Variants in TAF5L observed in about 807,000 individuals in gnomAD.
TAF5L encodes TAF5-like RNA polymerase II p300/CBP-associated factor-associated factor 65 kDa subunit 5L.
A neutral mutation model predicts 51.3 loss-of-function variants in TAF5L; 7 were observed. The ratio of observed to expected loss-of-function variants is 0.14; its 90% confidence interval spans 0.08 to 0.26. The LOEUF (loss-of-function observed/expected upper bound fraction) is 0.26, where lower values mean the gene tolerates loss of function less well. Ranked by LOEUF, TAF5L falls within the 10% of genes least tolerant of loss-of-function variation. The pLI is 1.00. For synonymous variants in TAF5L, 291 were observed against 308.1 expected (o/e 0.94, Z 0.58); for missense variants, 575 against 758.9 (o/e 0.76, Z 2.85).
chr1:229,606,282 A>G, intron 3 of TAF5L: 4 of 843,782 alleles, frequency 4.7e-6, no homozygotes, highest in Non-Finnish European at 5.7e-6. Context: ...CTTGCAATCT[A>G]ACATACTCTG....
At chr1:229,597,948 G>A (rs1387135698) in intron 4 of TAF5L, among the ~76,000 whole-genome samples, 3 of 152,096 alleles carry the variant, frequency 2.0e-5, no homozygotes, top group Non-Finnish European at 2.9e-5. Context: ...CCCAGACCAG[G>A]GGTCCTTTCT....
intron 2 of TAF5L, 88 bp from the exon 3 acceptor site, chr1:229,610,298 T>C (rs1012445360): frequency 3.2e-6 from 4 of 1,231,218 alleles, no homozygotes; most frequent in Middle Eastern, 1.9e-4. Flanking sequence ...AAGGAGGGTG[T>C]TGTGCACACA....
upstream of TAF5L, chr1:229,626,067 G>T: frequency 6.6e-6 from 1 of 151,488 alleles, no homozygotes; most frequent in South Asian, 1.8e-4. Flanking sequence ...GACTGACACG[G>T]AGCGGGCCGC....
intron 4 of TAF5L, among the ~76,000 whole-genome samples, chr1:229,597,034 G>C (rs966143756): frequency 2.0e-5 from 3 of 152,206 alleles, no homozygotes; most frequent in African/African-American, 7.2e-5. Context: ...GTATTTGGGA[G>C]CTTAAGGGTC....
Position 229,594,464 on chromosome 1 carries a change from G to A in TAF5L, c.1603C>T (p.Arg535Cys), listed in dbSNP as rs756842075. Residue 535 changes from arginine to cysteine, a missense_variant, in exon 5 of 5, where the codon CGC becomes TGC. Physicochemically the swap from Arg to Cys is radical, Grantham distance 180. This residue lies in a region of TAF5L where 91 missense variants were observed against 96.9 expected (regional missense o/e 0.94). Coordinates refer to ENST00000258281, the Ensembl canonical transcript of TAF5L. The surrounding 1 kb of genome is among the most constrained non-coding windows in gnomAD (Gnocchi z 7.9). ...TAAGTGTTCCTGATGTCCCAGACGCGCACCGAGTTGTCCATGGAGGCAGAG... is the reference window on the plus strand; with the variant it reads ...TAAGTGTTCCTGATGTCCCAGACGCACACCGAGTTGTCCATGGAGGCAGAG... 7.4e-5 allele frequency: 119 copies of A among 1,614,014 alleles called. No homozygotes were observed. The highest frequency in any genetic ancestry group is 9.7e-5 in the Non-Finnish European group (115 of 1,180,040).
chr1:229,602,089 G>A lies in TAF5L; in HGVS notation c.972+106C>T. 1.3e-6 allele frequency: 2 copies of A among 1,522,744 alleles called. No homozygotes were observed. The highest frequency in any genetic ancestry group is 1.8e-6 in the Non-Finnish European group (2 of 1,136,588). The allele number at this position is 1,522,744 out of a possible 1,614,324, so 94.3% of individuals were successfully genotyped here. A position where few individuals can be genotyped will look rare whatever the true frequency, so the allele number is the denominator to read the frequency against. The stretch of plus-strand genomic sequence containing the variant: ...GTCATTAGTCTGGCTTTAGCTATAT[G>A]ATGAGGGAAACTAGGAAGTCCATTC... On this transcript the variant is annotated intron_variant, in intron 4 of 4. Transcript: ENST00000258281. This position sits in a 1 kb window ranked among gnomAD's most constrained non-coding sequence, Gnocchi z 4.6.
At chr1:229,624,840 G>C (rs1029245680) in intron 1 of TAF5L, among the ~76,000 whole-genome samples, 1 of 152,178 alleles carries the variant, frequency 6.6e-6, no homozygotes, top group African/African-American at 2.4e-5. Flanking sequence ...GCTGTGACCA[G>C]GAACTGGGGC....
intron 4 of TAF5L, chr1:229,600,171 A>C (rs1356335318): frequency 2.0e-6 from 2 of 985,328 alleles, no homozygotes; most frequent in Admixed American, 6.1e-5. Context: ...TATCGTAACT[A>C]ATTTATGCCT....
At chr1:229,615,304 GT>G (rs1664939786) in intron 1 of TAF5L, among the ~76,000 whole-genome samples, 1 of 152,130 alleles carries the variant, frequency 6.6e-6, no homozygotes, top group Non-Finnish European at 1.5e-5. Flanking sequence ...AGCCAGGATG[GT>G]CTCAATCTCC....
At chr1:229,610,052 G>T in intron 3 of TAF5L, 54 bp downstream of exon 3, 1 of 1,525,486 alleles carries the variant, frequency 6.6e-7, no homozygotes, top group Non-Finnish European at 9.0e-7. Context: ...CCCAAAGTTG[G>T]TCTGTATTAC....
At chr1:229,598,575 C>G (rs1329610474) in intron 4 of TAF5L, among the ~76,000 whole-genome samples, 1 of 151,898 alleles carries the variant, frequency 6.6e-6, no homozygotes, top group Non-Finnish European at 1.5e-5. Flanking sequence ...TGCATACACA[C>G]AGCTGAAAAG....
chr1:229,615,931 G>C (rs1328664043), intron 1 of TAF5L, among the ~76,000 whole-genome samples: 4 of 152,142 alleles, frequency 2.6e-5, no homozygotes, highest in African/African-American at 9.7e-5. Flanking sequence ...ATCTGTTTTT[G>C]ATCATTTATT....
chr1:229,622,057 CTA>C (rs1558156027), intron 1 of TAF5L, among the ~76,000 whole-genome samples: 1 of 124,066 alleles, frequency 8.1e-6, no homozygotes, highest in African/African-American at 3.0e-5. Flanking sequence ...ATCTATCTAT[CTA>C]TCTATCTATA....
chr1:229,605,586 A>G (rs1339543663), intron 3 of TAF5L, among the ~76,000 whole-genome samples: 1 of 149,672 alleles, frequency 6.7e-6, no homozygotes, highest in African/African-American at 2.5e-5. Flanking sequence ...TCAGTCAAAC[A>G]TTATTTTAAA....
chr1:229,598,309 C>T (rs1664206346), intron 4 of TAF5L, among the ~76,000 whole-genome samples: 1 of 151,942 alleles, frequency 6.6e-6, no homozygotes, highest in South Asian at 2.1e-4. Context: ...AATTTTTAAC[C>T]TTTTTAGATG....
intron 1 of TAF5L, among the ~76,000 whole-genome samples, chr1:229,623,820 G>C (rs1044935060): frequency 1.3e-5 from 2 of 152,170 alleles, no homozygotes; most frequent in African/African-American, 4.8e-5. Flanking sequence ...TGCCAGGATG[G>C]GAACTCAGGA....
intron 3 of TAF5L, among the ~76,000 whole-genome samples, chr1:229,603,838 C>T (rs1361138228): frequency 1.3e-5 from 2 of 152,176 alleles, no homozygotes; most frequent in South Asian, 2.1e-4. Context: ...GCAAAGGTTT[C>T]GATGTGATTC....
chr1:229,598,564 C>G (rs1039002701), intron 4 of TAF5L, among the ~76,000 whole-genome samples: 1 of 152,016 alleles, frequency 6.6e-6, no homozygotes, highest in Non-Finnish European at 1.5e-5. Flanking sequence ...ATAAGGGTAG[C>G]TGCATACACA....
intron 2 of TAF5L, among the ~76,000 whole-genome samples, chr1:229,613,841 AAAC>A (rs2102759918): frequency 6.6e-6 from 1 of 152,338 alleles, no homozygotes; most frequent in East Asian, 1.9e-4. Context: ...AAACATTAAA[AAAC>A]AAAAACAAAT....
Sources: gnomAD v4.1 joint callset for allele counts (sites outside exome capture counted in the v4.1 genomes callset) on GRCh38, gnomAD v4.1.1 for gene constraint, gnomAD v4.1.1 regional missense constraint, Gnocchi (gnomAD v3.1) non-coding constraint, MANE v1.5 for transcripts, NCBI Gene and HGNC (gene_info 2026-07-23, HGNC 2026-07-21) for gene names.